UBQLN4: variants seen among roughly 807,000 people sequenced by gnomAD.
UBQLN4 encodes the protein ubiquilin-4.
Under a neutral mutation model 60.4 loss-of-function variants are expected in UBQLN4, and 11 were observed. The observed-to-expected ratio is 0.18, with a 90% CI of 0.11 to 0.30. The LOEUF (loss-of-function observed/expected upper bound fraction) is 0.30, where lower values mean the gene tolerates loss of function less well. UBQLN4 is among the 10% of genes least tolerant of loss of function. The pLI, the probability that UBQLN4 is intolerant of heterozygous loss-of-function variation, is 1.00. For missense variants in UBQLN4, 417 were observed against 795.5 expected, an observed-to-expected ratio of 0.52 and a Z score of 5.72; for synonymous variants, 258 against 313.1, an observed-to-expected ratio of 0.82 and a Z score of 1.86.
chr1:156,036,053 A>C lies in UBQLN4; in HGVS notation c.*925T>G, dbSNP rs1458456220. ...TGTGTGTGTGTGTGCATATAAGCACATATGCTTGAGGAACTAAAGCCAATA... is the reference window on the plus strand; with the variant it reads ...TGTGTGTGTGTGTGCATATAAGCACCTATGCTTGAGGAACTAAAGCCAATA... On this transcript the variant is annotated 3_prime_UTR_variant, in exon 11 of 11. Coordinates refer to ENST00000368309, the MANE Select transcript of UBQLN4 (RefSeq NM_020131.5). 1 of 985,510 alleles carries C rather than the reference A, an allele frequency of 1.0e-6. No homozygotes were observed. The highest frequency in any genetic ancestry group is 6.1e-5 in the Admixed American group (1 of 16,268). The allele number at this position is 985,510 out of a possible 1,614,324, so 61.0% of individuals were successfully genotyped here.
chr1:156,042,279 C>T (rs768595906), intron 7 of UBQLN4, 43 bp from the exon 8 acceptor site: 3 of 1,534,066 alleles, frequency 2.0e-6, no homozygotes, highest in Non-Finnish European at 2.6e-6. Context: ...GGCCTTTTCA[C>T]CCTAAGAATT....
chr1:156,040,555 C>T lies in UBQLN4; in HGVS notation c.1653+930G>A, dbSNP rs1204933316. Among the ~76,000 whole-genome samples, 5 of 150,404 alleles carry T rather than the reference C, an allele frequency of 3.3e-5. No individual in the cohort carries two copies. The Admixed American group carries it at 3.3e-4, about 10-fold the overall frequency. ...CCACCTCCCGAGTTCACCCCATTCT[C>T]CTGCGTCAGCCTCCTGAGTAGCTGG... On this transcript the variant is annotated intron_variant, in intron 10 of 10. Transcript: ENST00000368309.
downstream of UBQLN4, among the ~76,000 whole-genome samples, chr1:156,032,882 T>C (rs999851954): frequency 6.6e-6 from 1 of 152,154 alleles, no homozygotes; most frequent in Non-Finnish European, 1.5e-5. Flanking sequence ...AAGGTTTGCA[T>C]TCTCCAGATG....
At chr1:156,041,372 A>G in intron 10 of UBQLN4, 113 bp downstream of exon 10, 5 of 1,193,596 alleles carry the variant, frequency 4.2e-6, no homozygotes, top group Non-Finnish European at 4.5e-6. Flanking sequence ...AGCAAGTGGC[A>G]GAACAGGACC....
Position 156,051,130 on chromosome 1 carries a change from C to T in UBQLN4, c.458G>A (p.Ser153Asn). 1 of 1,613,500 alleles carries T rather than the reference C, an allele frequency of 6.2e-7. No individual in the cohort carries two copies. Among genetic ancestry groups the T allele is most frequent in the Non-Finnish European group, 8.5e-7 (1 of 1,179,714 alleles). Reference sequence around the variant, plus strand: ...CTTACAGAGTATGGACGCAGTAGCACTGGGGGATCCCTCCCCAGCCCCCGG... The same window carrying T: ...CTTACAGAGTATGGACGCAGTAGCATTGGGGGATCCCTCCCCAGCCCCCGG... ...PSPGAGEGSP[S>N]ATASILSGFG... Residue 153 changes from serine (S) to asparagine (N), a missense_variant, in exon 3 of 11, where the codon AGT becomes AAT. By Grantham distance (46) the Ser-to-Asn change is conservative. Transcript: ENST00000368309.
intron 5 of UBQLN4, among the ~76,000 whole-genome samples, chr1:156,046,545 T>C (rs1422170893): frequency 7.7e-6 from 1 of 129,888 alleles, no homozygotes; most frequent in Non-Finnish European, 1.6e-5. Flanking sequence ...AAGGTTGTAT[T>C]AAAAAAAAAA....
At chr1:156,042,518 A>G (rs1683595109) in intron 7 of UBQLN4, 3 of 1,193,782 alleles carry the variant, frequency 2.5e-6, no homozygotes, top group Non-Finnish European at 3.4e-6. Context: ...GTCACACGCC[A>G]TGTTCTAAGC....
chr1:156,041,467 C>G lies in UBQLN4; in HGVS notation c.1653+18G>C, dbSNP rs1683561230. ...TCAAAGTGGTGCTCCCAGCACCTGC[C>G]CCCACTGCCTCATGTACCTGTGAGT... On this transcript the variant is annotated intron_variant, in intron 10 of 10. Transcript: ENST00000368309. The G allele has an allele frequency of 6.5e-7, 1 of 1,541,578 alleles. No individual in the cohort carries two copies. The highest frequency in any genetic ancestry group is 1.4e-5 in the African/African-American group (1 of 72,492).
At chr1:156,037,844 T>A (rs1294599997) in intron 10 of UBQLN4, among the ~76,000 whole-genome samples, 1 of 152,206 alleles carries the variant, frequency 6.6e-6, no homozygotes, top group Non-Finnish European at 1.5e-5. Context: ...TATGAAAGGC[T>A]AGAGAAGGGT....
intron 4 of UBQLN4, among the ~76,000 whole-genome samples, chr1:156,049,805 C>G (rs914419357): frequency 3.9e-5 from 6 of 152,232 alleles, no homozygotes; most frequent in African/African-American, 1.4e-4. Flanking sequence ...AGAGCAACAT[C>G]ACAACAGTCT....
intron 7 of UBQLN4, 59 bp downstream of exon 7, chr1:156,042,715 T>C (rs1683600544): frequency 6.3e-7 from 1 of 1,589,532 alleles, no homozygotes; most frequent in Non-Finnish European, 8.6e-7. Context: ...CACAAGAAAC[T>C]GCCCCCAACC....
At position 156,050,277 on chromosome 1, in the gene UBQLN4, CCT is replaced by C; in HGVS notation, c.741+12_741+13del. 6.5e-7 allele frequency: 1 copy of C among 1,546,052 alleles called. No homozygotes were observed. Among genetic ancestry groups the C allele is most frequent in the Non-Finnish European group, 8.8e-7 (1 of 1,140,748 alleles). On this transcript the variant is annotated intron_variant, in intron 4 of 10. Transcript: ENST00000368309. This position sits in a 1 kb window ranked among gnomAD's most constrained non-coding sequence, Gnocchi z 4.6. ...CACCAGTGTCCTCCAGCTCTCCAGC[CCT>C]CTCATACTCACCTGCCTCATGAGTT...
chr1:156,051,951 CTCTCA>C, intron 1 of UBQLN4, 94 bp from the exon 2 acceptor site: 3 of 1,496,466 alleles, frequency 2.0e-6, no homozygotes, highest in Non-Finnish European at 2.7e-6. Flanking sequence ...CACTCTCTTG[CTCTCA>C]TCTCTAGTCA....
At position 156,050,609 on chromosome 1, in the gene UBQLN4, C is replaced by A; in HGVS notation, c.479-56G>T. ...CACAAGAACAGTGTCCTCACTTAGC[C>A]AGAGCCACTGAATTCAGATCTCCAG... is the stretch of plus-strand genomic sequence containing the variant. On this transcript the variant is annotated intron_variant, in intron 3 of 10. Coordinates refer to ENST00000368309, the MANE Select transcript of UBQLN4 (RefSeq NM_020131.5). This position sits in a 1 kb window ranked among gnomAD's most constrained non-coding sequence, Gnocchi z 4.6. 6.5e-7 allele frequency: 1 copy of A among 1,534,334 alleles called. No homozygotes were observed. Among genetic ancestry groups the A allele is most frequent in the Non-Finnish European group, 8.8e-7 (1 of 1,139,786 alleles).
chr1:156,034,870 T>TATATATAA (rs1683363635), downstream of UBQLN4, among the ~76,000 whole-genome samples: 1 of 115,218 alleles, frequency 8.7e-6, no homozygotes, highest in African/African-American at 3.3e-5. Flanking sequence ...TATATATATA[T>TATATATAA]AATTTTTTTT....
chr1:156,044,155 A>G lies in UBQLN4; in HGVS notation c.969T>C (p.Thr323=). 1.3e-6 allele frequency: 2 copies of G among 1,577,862 alleles called. No individual in the cohort carries two copies. Among genetic ancestry groups the G allele is most frequent in the Non-Finnish European group, 1.7e-6 (2 of 1,161,924 alleles). The change falls in exon 6 of 11, where the codon ACT becomes ACC. Residue 323 remains threonine, a synonymous_variant. Coordinates refer to ENST00000368309, the MANE Select transcript of UBQLN4 (RefSeq NM_020131.5). ...GGTTAGGGAGGGGCTCTCGATTCTC[A>G]GTCCGCAGAGGCTGGGAGGATGAGC... is the stretch of plus-strand genomic sequence containing the variant. ...SDSSSSQPLR[T]ENREPLPNPW...
chr1:156,051,243 G>C lies in UBQLN4; in HGVS notation c.345C>G (p.Pro115=). 1 of 1,595,122 alleles carries C rather than the reference G, an allele frequency of 6.3e-7. No homozygotes were observed. Among genetic ancestry groups the C allele is most frequent in the Non-Finnish European group, 8.5e-7 (1 of 1,170,138 alleles). ...ASAPSTTPAS[P]ATPAQPSTSG... is the part of the protein sequence containing the mutation. ...AGGTGGAGGGCTGGGCAGGGGTGGC[G>C]GGTGAAGCAGGCGTGGTGGAGGGTG... Residue 115 remains proline, a synonymous_variant, in exon 3 of 11, where the codon CCC becomes CCG. Transcript: ENST00000368309.
chr1:156,053,482 GC>G, intron 1 of UBQLN4, 111 bp downstream of exon 1: 3 of 827,726 alleles, frequency 3.6e-6, no homozygotes, highest in Non-Finnish European at 4.9e-6. Context: ...GTCCCAGCCG[GC>G]CCCCGCCCTC....
In UBQLN4 at chr1:156,050,541, C is replaced by A; in HGVS notation, c.491G>T (p.Gly164Val). Residue 164 changes from glycine to valine, a missense_variant, in exon 4 of 11, where the codon GGC (glycine) becomes GTC (valine). Gly to Val is a moderately radical substitution (Grantham distance 109). Transcript: ENST00000368309. This position sits in a 1 kb window ranked among gnomAD's most constrained non-coding sequence, Gnocchi z 4.6. ...ATASILSGFG[G>V]ILGLGSLGLG... ...GCCTAGGCTGCCCAGCCCCAGGATG[C>A]CCCCAAAGCCAGCTGTGGGAAGGGG... is the stretch of plus-strand genomic sequence containing the variant. 6.2e-7 allele frequency: 1 copy of A among 1,609,122 alleles called. No homozygotes were observed. The highest frequency in any genetic ancestry group is 8.5e-7 in the Non-Finnish European group (1 of 1,176,804).
Sources: allele counts gnomAD v4.1 joint callset (sites outside exome capture counted in the v4.1 genomes callset), GRCh38; gene constraint gnomAD v4.1.1; non-coding constraint Gnocchi (gnomAD v3.1); transcripts MANE v1.5; gene names NCBI Gene and HGNC (gene_info 2026-07-23, HGNC 2026-07-21).